Variants in B3GALT1 observed in about 807,000 individuals in gnomAD.
B3GALT1 encodes the protein beta-1,3-galactosyltransferase 1.
A neutral mutation model predicts 23.2 loss-of-function variants in B3GALT1; 10 were observed. The observed-to-expected ratio is 0.43, with a 90% CI of 0.27 to 0.73. The LOEUF (loss-of-function observed/expected upper bound fraction) is 0.73, where lower values mean the gene tolerates loss of function less well. B3GALT1 is among the 30% of genes least tolerant of loss of function. The pLI is 0.21. For synonymous variants in B3GALT1, 156 were observed against 141.5 expected, an observed-to-expected ratio of 1.10 and a Z score of -0.73; for missense variants, 299 against 405.4, an observed-to-expected ratio of 0.74 and a Z score of 2.25.
chr2:167,558,716 G>C (rs1683902664), intron 2 of B3GALT1, among the ~76,000 whole-genome samples: 1 of 152,230 alleles, frequency 6.6e-6, no homozygotes, highest in Non-Finnish European at 1.5e-5. Context: ...TAGCACAGCA[G>C]TCTGAGATCA....
intron 2 of B3GALT1, among the ~76,000 whole-genome samples, chr2:167,579,318 A>T (rs1377086765): frequency 6.6e-6 from 1 of 151,640 alleles, no homozygotes; most frequent in Non-Finnish European, 1.5e-5. Context: ...ACTATTTTCT[A>T]TTTAAAATTT....
intron 3 of B3GALT1, among the ~76,000 whole-genome samples, chr2:167,725,916 A>G (rs1192236613): frequency 6.6e-6 from 1 of 152,206 alleles, no homozygotes; most frequent in African/African-American, 2.4e-5. Flanking sequence ...AGAAGAACCA[A>G]TTCAGAAGAC....
chr2:167,612,218 C>T (rs1267425779), intron 2 of B3GALT1, among the ~76,000 whole-genome samples: 1 of 151,836 alleles, frequency 6.6e-6, no homozygotes, highest in Non-Finnish European at 1.5e-5. Flanking sequence ...TAGCTTTTAA[C>T]ACTAGATGGT....
At chr2:167,497,056 A>T (rs1245171566) in intron 2 of B3GALT1, among the ~76,000 whole-genome samples, 1 of 138,836 alleles carries the variant, frequency 7.2e-6, no homozygotes, top group African/African-American at 3.4e-5. Flanking sequence ...AACTATAATA[A>T]AAAAAAAGTA....
At chr2:167,630,039 A>G (rs898928120) in intron 2 of B3GALT1, among the ~76,000 whole-genome samples, 2 of 151,886 alleles carry the variant, frequency 1.3e-5, no homozygotes, top group Non-Finnish European at 2.9e-5. Context: ...AGAAAGAACA[A>G]GAAAGAGAAC....
chr2:167,839,516 A>G (rs1380478284), intron 4 of B3GALT1, among the ~76,000 whole-genome samples: 40 of 152,374 alleles, frequency 2.6e-4, no homozygotes, highest in Non-Finnish European at 4.7e-4. Flanking sequence ...CCACTGCTCA[A>G]TGAAATAAAG....
intron 3 of B3GALT1, among the ~76,000 whole-genome samples, chr2:167,728,353 C>T (rs1687352440): frequency 6.6e-6 from 1 of 152,172 alleles, no homozygotes; most frequent in Admixed American, 6.5e-5. Flanking sequence ...CGCCACTGCA[C>T]TCCAGCCTGG....
intron 1 of B3GALT1, among the ~76,000 whole-genome samples, chr2:167,397,640 T>C (rs937278874): frequency 6.6e-6 from 1 of 152,144 alleles, no homozygotes; most frequent in African/African-American, 2.4e-5. Flanking sequence ...AACAAACGAA[T>C]TATTAAGAAA....
chr2:167,761,010 G>T (rs1450302672), intron 3 of B3GALT1, among the ~76,000 whole-genome samples: 1 of 152,164 alleles, frequency 6.6e-6, no homozygotes, highest in Non-Finnish European at 1.5e-5. Context: ...AATATTACAT[G>T]TGCCTGTTTG....
intron 1 of B3GALT1, among the ~76,000 whole-genome samples, chr2:167,453,286 T>G (rs1699115953): frequency 6.6e-6 from 1 of 152,224 alleles, no homozygotes; most frequent in South Asian, 2.1e-4. Context: ...TATTGCATTC[T>G]GAGCCCCCAT....
chr2:167,698,893 C>G (rs1686827627), intron 3 of B3GALT1, among the ~76,000 whole-genome samples: 1 of 152,162 alleles, frequency 6.6e-6, no homozygotes. Flanking sequence ...GAATTTTTCT[C>G]TACTTATCAT....
chr2:167,868,788 A>G (rs1690283415), intron 4 of B3GALT1, among the ~76,000 whole-genome samples, 23 bp from the exon 5 acceptor site: 1 of 152,160 alleles, frequency 6.6e-6, no homozygotes, highest in Admixed American at 6.5e-5. Flanking sequence ...CTAAGTGACA[A>G]CTGTACTTTA....
chr2:167,852,466 TGGTGTGTGTGTG>T (rs1689920665), intron 4 of B3GALT1, among the ~76,000 whole-genome samples: 8 of 100,002 alleles, frequency 8.0e-5, no homozygotes, highest in Admixed American at 5.5e-4. Flanking sequence ...TTATTCGTGA[TGGTGTGTGTGTG>T]TGTGTGTGTG....
At chr2:167,729,141 A>T (rs1166394896) in intron 3 of B3GALT1, among the ~76,000 whole-genome samples, 1 of 152,190 alleles carries the variant, frequency 6.6e-6, no homozygotes, top group Admixed American at 6.5e-5. Flanking sequence ...AGTGGGGATG[A>T]TGGGGAAAGT....
chr2:167,452,559 A>G (rs1160648081), intron 1 of B3GALT1, among the ~76,000 whole-genome samples: 2 of 152,150 alleles, frequency 1.3e-5, no homozygotes, highest in Admixed American at 6.5e-5. Flanking sequence ...GCTGTCTCCC[A>G]GGGCCTGCAG....
At position 167,434,675 on chromosome 2, in the gene B3GALT1, G is replaced by A. The variant is rs10183428; in HGVS notation, c.-510-55502G>A. 2.5e-3 allele frequency among the ~76,000 whole-genome samples: 373 copies of A among 150,826 alleles called. 2 individuals carry two copies. The highest frequency in any genetic ancestry group is 0.014 in the South Asian group (67 of 4,778). ...AAATGTATTCACAAAGTGTTTAGTTGATATGTCTCTAAAGCATAACTTAAT... is the reference window on the plus strand; with the variant it reads ...AAATGTATTCACAAAGTGTTTAGTTAATATGTCTCTAAAGCATAACTTAAT... On this transcript the variant is annotated intron_variant, in intron 1 of 4. Transcript: ENST00000392690.
rs1157434415 is a variant in B3GALT1, at chr2:167,469,948, A to T, written c.-510-20229A>T. Among the ~76,000 whole-genome samples, 3 of 152,220 alleles carry T rather than the reference A, an allele frequency of 2.0e-5. No individual in the cohort carries two copies. The East Asian group carries it at 5.8e-4, about 29-fold the overall frequency. ...AATTGTATAAATTTTTTAGGACCTG[A>T]AAGACTGTCTTTCCCACAATGTTGA... On this transcript the variant is annotated intron_variant, in intron 1 of 4. Transcript: ENST00000392690.
chr2:167,482,949 C>A (rs763953572), intron 1 of B3GALT1, among the ~76,000 whole-genome samples: 1 of 152,176 alleles, frequency 6.6e-6, no homozygotes, highest in Non-Finnish European at 1.5e-5. Context: ...AGCCTCTGCA[C>A]AGTATCGTTG....
In B3GALT1 at chr2:167,646,704, A is replaced by C. The variant is rs546585472; in HGVS notation, c.-409-205A>C. ...GGACCCACTCCCCCTTGTGAGAAGA[A>C]AAAGAAATAAAAACTGACAAGAAGA... On this transcript the variant is annotated intron_variant, in intron 2 of 4. Coordinates refer to ENST00000392690, the MANE Select transcript of B3GALT1 (RefSeq NM_020981.4). Among the ~76,000 whole-genome samples, 3 of 152,314 alleles carry C rather than the reference A, an allele frequency of 2.0e-5. No individual in the cohort carries two copies. The East Asian group carries it at 5.8e-4, about 29-fold the overall frequency.
Sources: allele counts gnomAD v4.1 joint callset (sites outside exome capture counted in the v4.1 genomes callset), GRCh38; gene constraint gnomAD v4.1.1; transcripts MANE v1.5; gene names NCBI Gene and HGNC (gene_info 2026-07-23, HGNC 2026-07-21).